SIK3: variants seen among roughly 807,000 people sequenced by gnomAD.
The protein encoded by SIK3 is SIK family kinase 3.
In SIK3, 28 loss-of-function variants were observed where a neutral mutation model predicts 144.2. That is an observed-to-expected ratio of 0.19 (90% CI 0.14 to 0.27). The LOEUF (loss-of-function observed/expected upper bound fraction) is 0.27. Among genes scored for constraint, SIK3 ranks in the 10% least tolerant of loss-of-function variants. The pLI, the probability that SIK3 is intolerant of heterozygous loss-of-function variation, is 1.00. For synonymous variants in SIK3, 686 were observed against 676.3 expected (o/e 1.01, Z -0.22); for missense variants, 1,319 against 1,776.0 (o/e 0.74, Z 4.62).
At chr11:116,950,337 C>G in intron 3 of SIK3, 2 of 327,962 alleles carry the variant, frequency 6.1e-6, no homozygotes, top group South Asian at 4.6e-5. Flanking sequence ...CCATTGTTTT[C>G]GAATAAACTT....
intron 3 of SIK3, among the ~76,000 whole-genome samples, chr11:116,939,211 G>A (rs1008951816): frequency 6.6e-6 from 1 of 152,114 alleles, no homozygotes; most frequent in African/African-American, 2.4e-5. Flanking sequence ...GCAATGGCGC[G>A]GACTCAGCTC....
intron 18 of SIK3, 93 bp from the exon 19 acceptor site, chr11:116,861,476 A>T (rs1234710818): frequency 5.4e-6 from 5 of 920,430 alleles, no homozygotes; most frequent in East Asian, 5.2e-5. Flanking sequence ...AGTGGAAACT[A>T]TTTTTTTTTA....
chr11:117,062,235 T>C (rs1343064436), intron 1 of SIK3, among the ~76,000 whole-genome samples: 1 of 152,182 alleles, frequency 6.6e-6, no homozygotes. Flanking sequence ...CAGTAGGAAA[T>C]AGGCTAATAT....
chr11:116,896,518 A>C lies in SIK3; in HGVS notation c.742-142T>G. On this transcript the variant is annotated intron_variant, in intron 5 of 24. Transcript: ENST00000445177. Reference sequence around the variant, plus strand: ...TTTCTTCCATCTTAGAACAGTTAACAATCTTCTTTGCTTCTAGGCATTAAT... The same window carrying C: ...TTTCTTCCATCTTAGAACAGTTAACCATCTTCTTTGCTTCTAGGCATTAAT... The C allele has an allele frequency of 3.5e-6, 3 of 859,966 alleles. No homozygotes were observed. The South Asian group carries it at 6.0e-5, about 17-fold the overall frequency. 53.3% of individuals were successfully genotyped at this position (859,966 alleles called of 1,614,324 possible).
At chr11:117,001,710 C>T (rs747186684) in intron 1 of SIK3, among the ~76,000 whole-genome samples, 2 of 152,022 alleles carry the variant, frequency 1.3e-5, no homozygotes, top group Non-Finnish European at 2.9e-5. Context: ...CCCACCTCGG[C>T]CTCCCAAAGT....
intron 1 of SIK3, among the ~76,000 whole-genome samples, chr11:117,052,000 G>T (rs1352490524): frequency 1.3e-5 from 2 of 152,138 alleles, no homozygotes; most frequent in African/African-American, 4.8e-5. Context: ...AAATTAGCCG[G>T]TCGTGGTGGC....
chr11:116,969,365 A>G, intron 1 of SIK3, among the ~76,000 whole-genome samples: 1 of 151,714 alleles, frequency 6.6e-6, no homozygotes, highest in Admixed American at 6.6e-5. Context: ...TAAGTAACAC[A>G]TCCCCACCAA....
At chr11:117,092,522 T>G (rs1235964058) in intron 1 of SIK3, among the ~76,000 whole-genome samples, 1 of 152,180 alleles carries the variant, frequency 6.6e-6, no homozygotes, top group Non-Finnish European at 1.5e-5. Flanking sequence ...TATATGAAAT[T>G]TTTAATTTTT....
intron 1 of SIK3, among the ~76,000 whole-genome samples, chr11:117,019,912 A>G (rs1265349940): frequency 6.6e-6 from 1 of 152,130 alleles, no homozygotes; most frequent in East Asian, 1.9e-4. Flanking sequence ...AAAGAAAAAA[A>G]GGAAGAGAAA....
intron 3 of SIK3, among the ~76,000 whole-genome samples, chr11:116,944,449 C>T (rs1016399718): frequency 7.7e-6 from 1 of 129,364 alleles, no homozygotes; most frequent in Non-Finnish European, 1.6e-5. Context: ...CCGAGACACA[C>T]AGATCAATCA....
At chr11:117,090,242 G>T (rs1955184248) in intron 1 of SIK3, among the ~76,000 whole-genome samples, 1 of 152,084 alleles carries the variant, frequency 6.6e-6, no homozygotes, top group South Asian at 2.1e-4. Flanking sequence ...CCCAGAAAGG[G>T]ACCAAGCTAC....
At chr11:117,048,269 A>T (rs1040651659) in intron 1 of SIK3, among the ~76,000 whole-genome samples, 1 of 152,240 alleles carries the variant, frequency 6.6e-6, no homozygotes, top group Non-Finnish European at 1.5e-5. Context: ...GCCATTGGTG[A>T]AAATCATATT....
At chr11:116,941,296 G>A (rs1355687483) in intron 3 of SIK3, among the ~76,000 whole-genome samples, 4 of 152,072 alleles carry the variant, frequency 2.6e-5, no homozygotes, top group South Asian at 4.1e-4. Context: ...GTGAGCCACC[G>A]CGCCTGGCCG....
At chr11:117,017,595 G>A (rs1195173189) in intron 1 of SIK3, among the ~76,000 whole-genome samples, 1 of 152,090 alleles carries the variant, frequency 6.6e-6, no homozygotes, top group Non-Finnish European at 1.5e-5. Context: ...GTACCTGTGA[G>A]TATGAAGAAG....
chr11:117,005,926 G>C (rs147173146), intron 1 of SIK3, among the ~76,000 whole-genome samples: 63 of 152,260 alleles, frequency 4.1e-4, no homozygotes, highest in Middle Eastern at 3.4e-3. Flanking sequence ...CCACTGTAGG[G>C]CTAAAGTGAG....
chr11:116,967,864 A>T (rs1949618245), intron 1 of SIK3, among the ~76,000 whole-genome samples: 2 of 152,170 alleles, frequency 1.3e-5, no homozygotes, highest in Admixed American at 1.3e-4. Flanking sequence ...ACTACCTTCC[A>T]AGGTGTTTTC....
Position 117,098,398 on chromosome 11 carries a change from C to A in SIK3, c.18G>T (p.Ala6=). 1.7e-6 allele frequency: 2 copies of A among 1,153,666 alleles called. No individual in the cohort carries two copies. Among genetic ancestry groups the A allele is most frequent in the East Asian group, 4.1e-5 (1 of 24,270 alleles). 71.5% of individuals were successfully genotyped at this position (1,153,666 alleles called of 1,614,324 possible). A position where few individuals can be genotyped will look rare whatever the true frequency, so the allele number is the denominator to read the frequency against. Residue 6 remains alanine (A), a synonymous_variant, in exon 1 of 25, where the codon GCG becomes GCT. Coordinates refer to ENST00000445177, the MANE Select transcript of SIK3 (RefSeq NM_001366686.3). Reference sequence around the variant, plus strand: ...CCCCGGCAGCCCCGCCAGCTCCGCTCGCCGCCGCCGCCGCCATCTTGTTGT... The same window carrying A: ...CCCCGGCAGCCCCGCCAGCTCCGCTAGCCGCCGCCGCCGCCATCTTGTTGT... MAAAA[A]SGAGGAAGAG... is the part of the protein sequence containing the mutation.
At position 117,052,386 on chromosome 11, in the gene SIK3, C is replaced by T. The variant is rs371099384; in HGVS notation, c.273+45757G>A. On this transcript the variant is annotated intron_variant, in intron 1 of 24. Coordinates refer to ENST00000445177, the MANE Select transcript of SIK3 (RefSeq NM_001366686.3). ...AAGACCAGTTACTATTGCAGTAGCCCAGGCATGGTGGGGTGTTAAGGGTTG... is the reference window on the plus strand; with the variant it reads ...AAGACCAGTTACTATTGCAGTAGCCTAGGCATGGTGGGGTGTTAAGGGTTG... 1.7e-4 allele frequency among the ~76,000 whole-genome samples: 26 copies of T among 152,266 alleles called. No individual in the cohort carries two copies. In the South Asian group the frequency reaches 5.4e-3, roughly 32 times the overall value.
chr11:117,020,752 G>C (rs2031993434), intron 1 of SIK3, among the ~76,000 whole-genome samples: 1 of 152,176 alleles, frequency 6.6e-6, no homozygotes, highest in African/African-American at 2.4e-5. Context: ...ACTCTTCCAG[G>C]CTTTGCCCTG....
Sources: gnomAD v4.1 joint callset for allele counts (sites outside exome capture counted in the v4.1 genomes callset) on GRCh38, gnomAD v4.1.1 for gene constraint, MANE v1.5 for transcripts, NCBI Gene and HGNC (gene_info 2026-07-23, HGNC 2026-07-21) for gene names.